The following KAT2B variants were observed in gnomAD, a reference collection of about 807,000 sequenced individuals.
The protein encoded by KAT2B is histone acetyltransferase KAT2B.
Under a neutral mutation model 105.9 loss-of-function variants are expected in KAT2B, and 36 were observed. The observed-to-expected ratio is 0.34, with a 90% CI of 0.26 to 0.45. KAT2B has a LOEUF of 0.45. Among genes scored for constraint, KAT2B ranks in the 20% least tolerant of loss-of-function variants. The pLI is 1.00. For missense variants in KAT2B, 820 were observed against 1,021.6 expected, an observed-to-expected ratio of 0.80 and a Z score of 2.69; for synonymous variants, 397 against 377.9, an observed-to-expected ratio of 1.05 and a Z score of -0.59.
At chr3:20,073,789 G>T (rs576163059) in intron 2 of KAT2B, among the ~76,000 whole-genome samples, 1 of 152,346 alleles carries the variant, frequency 6.6e-6, no homozygotes, top group Admixed American at 6.5e-5. Flanking sequence ...GTTTAGGATT[G>T]CCTCAGGAAA....
chr3:20,127,983 C>T (rs1201682362), intron 11 of KAT2B, among the ~76,000 whole-genome samples: 1 of 152,166 alleles, frequency 6.6e-6, no homozygotes, highest in Non-Finnish European at 1.5e-5. Context: ...CAGCCCGGTC[C>T]CTAACAGGCC....
At chr3:20,137,799 G>C (rs1397557199) in intron 12 of KAT2B, among the ~76,000 whole-genome samples, 1 of 152,186 alleles carries the variant, frequency 6.6e-6, no homozygotes, top group African/African-American at 2.4e-5. Context: ...TGGGATTATA[G>C]GCGTGAGCCA....
In KAT2B at chr3:20,149,495, C is replaced by CAAAAAAAAAAAAA. The variant is rs56091316; in HGVS notation, c.2305+1021_2305+1033dup. On this transcript the variant is annotated intron_variant, in intron 17 of 17. Coordinates refer to ENST00000263754, the MANE Select transcript of KAT2B (RefSeq NM_003884.5). The stretch of plus-strand genomic sequence containing the variant: ...TGGGCACTGGAGGGAGACCGTATCT[C>CAAAAAAAAAAAAA]AAAAAAAAAAAAAAAAAAAAAAAAA... Among the ~76,000 whole-genome samples the CAAAAAAAAAAAAA allele has an allele frequency of 1.9e-3, 80 of 42,430 alleles. 4 individuals carry two copies. The highest frequency in any genetic ancestry group is 0.012 in the South Asian group (8 of 642). The allele number at this position is 42,430 out of a possible 152,430, so 27.8% of individuals were successfully genotyped here.
intron 1 of KAT2B, among the ~76,000 whole-genome samples, chr3:20,057,516 C>A (rs1698021784): frequency 6.6e-6 from 1 of 152,210 alleles, no homozygotes; most frequent in African/African-American, 2.4e-5. Flanking sequence ...GTTGTCTGAA[C>A]TGCTCAATGT....
rs957796798 is a variant in KAT2B, at chr3:20,140,169, A to C, written c.1861-52A>C. ...AGTGCCTGGAACATAGTTAGCACTC[A>C]GTAGATATTTGGTGTATGGTGTTCA... On this transcript the variant is annotated intron_variant, in intron 12 of 17. Coordinates refer to ENST00000263754, the MANE Select transcript of KAT2B (RefSeq NM_003884.5). The C allele has an allele frequency of 1.8e-5, 21 of 1,143,190 alleles. No homozygotes were observed. In the African/African-American group the frequency reaches 2.0e-4, roughly 11 times the overall value. 70.8% of individuals were successfully genotyped at this position (1,143,190 alleles called of 1,614,324 possible).
chr3:20,089,768 C>T (rs6809650), intron 2 of KAT2B, among the ~76,000 whole-genome samples: 19 of 151,820 alleles, frequency 1.3e-4, no homozygotes, highest in Non-Finnish European at 2.5e-4. Context: ...TAAATTTATT[C>T]CTAGGTATTT....
chr3:20,109,262 G>T (rs895178954), intron 5 of KAT2B, among the ~76,000 whole-genome samples: 1 of 151,772 alleles, frequency 6.6e-6, no homozygotes, highest in Non-Finnish European at 1.5e-5. Context: ...CTAGTTATTT[G>T]ATCTGACTTC....
Position 20,054,971 on chromosome 3 carries a change from G to A in KAT2B, c.303+14191G>A, listed in dbSNP as rs367606955. ...TTCTTGTTGAGGAGACAGATATTAA[G>A]TGAAAGAAAAATTAAAATGAATAAT... On this transcript the variant is annotated intron_variant, in intron 1 of 17. Transcript: ENST00000263754. 4.6e-5 allele frequency among the ~76,000 whole-genome samples: 7 copies of A among 152,138 alleles called. No homozygotes were observed. The East Asian group carries it at 5.8e-4, about 13-fold the overall frequency.
chr3:20,143,556 T>C (rs1283024111), intron 13 of KAT2B, among the ~76,000 whole-genome samples: 1 of 152,266 alleles, frequency 6.6e-6, no homozygotes, highest in East Asian at 1.9e-4. Context: ...GAAAATAAAT[T>C]GTTCTTACAA....
At chr3:20,078,201 TAAA>T (rs1698453882) in intron 2 of KAT2B, among the ~76,000 whole-genome samples, 1 of 151,410 alleles carries the variant, frequency 6.6e-6, no homozygotes, top group Admixed American at 6.6e-5. Context: ...AATAAATAAA[TAAA>T]TAAAAAGGCA....
chr3:20,144,455 A>G (rs1699750442), intron 13 of KAT2B, among the ~76,000 whole-genome samples: 1 of 151,122 alleles, frequency 6.6e-6, no homozygotes, highest in African/African-American at 2.4e-5. Flanking sequence ...TGCCCAGCTA[A>G]TTTTTTGTAA....
At chr3:20,081,863 T>G (rs1445026819) in intron 2 of KAT2B, among the ~76,000 whole-genome samples, 1 of 108,300 alleles carries the variant, frequency 9.2e-6, no homozygotes, top group Non-Finnish European at 1.8e-5. Context: ...TTTATTTTAT[T>G]TGCTGTCATT....
chr3:20,061,810 TATAC>T (rs1302915461), intron 1 of KAT2B, among the ~76,000 whole-genome samples: 341 of 120,950 alleles, frequency 2.8e-3, no homozygotes, highest in Non-Finnish European at 4.0e-3. Context: ...TATTATATAT[TATAC>T]ATAAAGTATA....
chr3:20,151,732 C>A (rs1699872564), intron 17 of KAT2B, among the ~76,000 whole-genome samples: 1 of 152,142 alleles, frequency 6.6e-6, no homozygotes, highest in Admixed American at 6.5e-5. Flanking sequence ...ACAAGGCTTA[C>A]TTGCTTTAGA....
chr3:20,118,788 G>GTT (rs1404783858), intron 7 of KAT2B, among the ~76,000 whole-genome samples: 1 of 143,622 alleles, frequency 7.0e-6, no homozygotes, highest in Non-Finnish European at 1.5e-5. Context: ...ATATTTATAC[G>GTT]TTATATATAA....
intron 2 of KAT2B, among the ~76,000 whole-genome samples, chr3:20,080,916 A>G (rs569839251): frequency 1.3e-5 from 2 of 152,370 alleles, no homozygotes; most frequent in East Asian, 1.9e-4. Context: ...CTTTTTAAAC[A>G]CAGCTACTGG....
In KAT2B at chr3:20,072,401, C is replaced by A. The variant is rs1698341291; in HGVS notation, c.372C>A (p.Asp124Glu). Residue 124 changes from aspartate to glutamate, a missense_variant, in exon 2 of 18, where the codon GAC (aspartate) becomes GAA (glutamate). This residue lies in a region of KAT2B where 190 missense variants were observed against 176.7 expected (regional missense o/e 1.08). Coordinates refer to ENST00000263754, the MANE Select transcript of KAT2B (RefSeq NM_003884.5). ...CCTCACCCACTCCCCCCAGAGCCGACCTGCAGCAAATAATTGTCAGTCTAA... is the reference window on the plus strand; with the variant it reads ...CCTCACCCACTCCCCCCAGAGCCGAACTGCAGCAAATAATTGTCAGTCTAA... ...PNPSPTPPRA[D>E]LQQIIVSLTE... 1.2e-6 allele frequency: 2 copies of A among 1,613,424 alleles called. No individual in the cohort carries two copies. Among genetic ancestry groups the A allele is most frequent in the South Asian group, 1.1e-5 (1 of 91,070 alleles).
At chr3:20,115,076 CT>C in intron 7 of KAT2B, 88 bp downstream of exon 7, 1 of 780,830 alleles carries the variant, frequency 1.3e-6, no homozygotes, top group South Asian at 1.5e-5. Flanking sequence ...ATACTTAGCT[CT>C]ATAGTCAAAT....
intron 14 of KAT2B, 123 bp from the exon 15 acceptor site, chr3:20,147,840 C>T (rs558224896): frequency 1.1e-5 from 9 of 823,416 alleles, no homozygotes; most frequent in Admixed American, 2.8e-5. Flanking sequence ...TAATTTCAGT[C>T]GTCTCTCAGA....
Sources: allele counts gnomAD v4.1 joint callset (sites outside exome capture counted in the v4.1 genomes callset), GRCh38; gene constraint gnomAD v4.1.1; regional missense constraint gnomAD v4.1.1; transcripts MANE v1.5; gene names NCBI Gene and HGNC (gene_info 2026-07-23, HGNC 2026-07-21).